The following UNC93A variants were observed in gnomAD, a reference collection of about 807,000 sequenced individuals.
The protein encoded by UNC93A is unc-93 homolog A.
Under a neutral mutation model 47.5 loss-of-function variants are expected in UNC93A, and 43 were observed. The ratio of observed to expected loss-of-function variants is 0.91; its 90% confidence interval spans 0.71 to 1.17. UNC93A has a LOEUF of 1.17. UNC93A is among the 50% of genes most tolerant of loss of function. The probability of loss-of-function intolerance (pLI) is 0.00; values close to 1 mark genes in which losing one functional copy is unlikely to be tolerated. For missense variants in UNC93A, 605 were observed against 577.6 expected, an observed-to-expected ratio of 1.05 and a Z score of -0.49; for synonymous variants, 280 against 258.0, an observed-to-expected ratio of 1.09 and a Z score of -0.82.
upstream of UNC93A, among the ~76,000 whole-genome samples, chr6:167,289,738 C>T (rs529274725): frequency 6.6e-6 from 1 of 151,156 alleles, no homozygotes; most frequent in East Asian, 1.9e-4. Context: ...TCAGGAAGGT[C>T]CTCTAATATC....
Position 167,315,429 on chromosome 6 carries a change from G to A in UNC93A, c.1351G>A (p.Glu451Lys). ...AGGACAGGTCAACCAGGCAGAGGATGAAGAAATACAAACAAAAATGTGAGA... is the reference window on the plus strand; with the variant it reads ...AGGACAGGTCAACCAGGCAGAGGATAAAGAAATACAAACAAAAATGTGAGA... Reference protein sequence around the residue: ...APGQVNQAEDEEIQTKM With the variant: ...APGQVNQAEDKEIQTKM Residue 451 changes from glutamate (E) to lysine (K), a missense_variant, in exon 8 of 8, where the codon GAA (glutamate) becomes AAA (lysine). Glu to Lys is a moderately conservative substitution (Grantham distance 56, BLOSUM62 1). Coordinates refer to ENST00000230256, the MANE Select transcript of UNC93A (RefSeq NM_018974.4). 6.2e-7 allele frequency: 1 copy of A among 1,614,008 alleles called. No individual in the cohort carries two copies. Among genetic ancestry groups the A allele is most frequent in the Non-Finnish European group, 8.5e-7 (1 of 1,179,886 alleles).
chr6:167,292,743 G>A (rs1249756219), intron 1 of UNC93A, among the ~76,000 whole-genome samples: 2 of 152,178 alleles, frequency 1.3e-5, no homozygotes, highest in Non-Finnish European at 1.5e-5. Flanking sequence ...CTGTTGGGTT[G>A]AGGTGAGTGC....
rs778957066 is a variant in UNC93A at position 167,306,026 on chromosome 6, G to A, written c.952G>A (p.Gly318Ser). ...VLYGKVSQYT[G>S]RAVLYVLGAV... Reference sequence around the variant, plus strand: ...GTATGGAAAGGTCTCGCAGTACACGGGCAGGGCTGTGCTGTACGTGCTGGG... The same window carrying A: ...GTATGGAAAGGTCTCGCAGTACACGAGCAGGGCTGTGCTGTACGTGCTGGG... The change falls in exon 6 of 8, where the codon GGC becomes AGC. Residue 318 changes from glycine to serine, a missense_variant. By Grantham distance (56) the Gly-to-Ser change is moderately conservative. Coordinates refer to ENST00000230256, the MANE Select transcript of UNC93A (RefSeq NM_018974.4). The A allele has an allele frequency of 2.5e-6, 4 of 1,614,214 alleles. No homozygotes were observed. The African/African-American group carries it at 4.0e-5, about 16-fold the overall frequency.
chr6:167,285,717 T>C (rs777552839), intron 1 of UNC93A, among the ~76,000 whole-genome samples: 15 of 151,584 alleles, frequency 9.9e-5, no homozygotes, highest in Non-Finnish European at 2.1e-4. Context: ...ACCAGGAGAA[T>C]GGGCAGCCTG....
intron 1 of UNC93A, among the ~76,000 whole-genome samples, chr6:167,284,798 G>A (rs1163798667): frequency 1.3e-5 from 2 of 151,386 alleles, no homozygotes; most frequent in African/African-American, 4.9e-5. Flanking sequence ...CTCTGAGGGC[G>A]GTCGCCACAG....
chr6:167,269,578 A>G (rs1352580992), upstream of UNC93A, among the ~76,000 whole-genome samples: 1 of 152,168 alleles, frequency 6.6e-6, no homozygotes, highest in Non-Finnish European at 1.5e-5. Context: ...ATATTTTACT[A>G]CCATAATGGC....
intron 7 of UNC93A, among the ~76,000 whole-genome samples, chr6:167,309,266 A>C (rs1583093824): frequency 6.6e-6 from 1 of 152,120 alleles, no homozygotes; most frequent in African/African-American, 2.4e-5. Flanking sequence ...GATGCGTGAG[A>C]GCGTTTTGGA....
At chr6:167,269,120 C>G (rs1266075998), upstream of UNC93A, among the ~76,000 whole-genome samples, 1 of 152,178 alleles carries the variant, frequency 6.6e-6, no homozygotes, top group Non-Finnish European at 1.5e-5. Flanking sequence ...CGTAGCGAGG[C>G]TGAGAGGTGA....
upstream of UNC93A, among the ~76,000 whole-genome samples, chr6:167,287,229 T>A (rs1783752641): frequency 6.6e-6 from 1 of 152,046 alleles, no homozygotes; most frequent in Non-Finnish European, 1.5e-5. Flanking sequence ...CCACCCAAAG[T>A]GCCACTTGCT....
chr6:167,308,137 T>C (rs1778454671), intron 7 of UNC93A, among the ~76,000 whole-genome samples: 1 of 152,218 alleles, frequency 6.6e-6, no homozygotes, highest in African/African-American at 2.4e-5. Context: ...AGGTTCCTTC[T>C]GGGCACCATT....
intron 3 of UNC93A, among the ~76,000 whole-genome samples, chr6:167,296,905 T>C (rs758016270): frequency 2.6e-5 from 4 of 152,186 alleles, no homozygotes; most frequent in Non-Finnish European, 5.9e-5. Context: ...TCCTGACTAG[T>C]ATCACAACTA....
upstream of UNC93A, among the ~76,000 whole-genome samples, chr6:167,269,376 G>A (rs1039341035): frequency 2.0e-5 from 3 of 152,178 alleles, no homozygotes; most frequent in African/African-American, 7.2e-5. Flanking sequence ...TACAAGCTAC[G>A]AACTGCAAAT....
At chr6:167,301,669 C>G (rs1778244439) in intron 4 of UNC93A, among the ~76,000 whole-genome samples, 1 of 152,180 alleles carries the variant, frequency 6.6e-6, no homozygotes, top group South Asian at 2.1e-4. Context: ...TGTTCATAAC[C>G]TGCCTCTCCC....
chr6:167,272,602 A>C (rs1783467212), intron 1 of UNC93A, among the ~76,000 whole-genome samples: 1 of 152,146 alleles, frequency 6.6e-6, no homozygotes, highest in Non-Finnish European at 1.5e-5. Context: ...TACATTTAAG[A>C]AGTACATTGG....
At chr6:167,283,232 T>G (rs1349104162) in intron 1 of UNC93A, among the ~76,000 whole-genome samples, 1 of 152,250 alleles carries the variant, frequency 6.6e-6, no homozygotes, top group African/African-American at 2.4e-5. Context: ...TATTTCGATT[T>G]CTTTCAAAGC....
In UNC93A at chr6:167,304,145, A is replaced by G. The variant is rs1778317668; in HGVS notation, c.840+12A>G. ...GCGAATACACAAGGGTATGAACGAA[A>G]GTGAGGGCCGGTGGCTCAGGCCATG... On this transcript the variant is annotated intron_variant, in intron 5 of 7. Coordinates refer to ENST00000230256, the MANE Select transcript of UNC93A (RefSeq NM_018974.4). The G allele has an allele frequency of 6.2e-7, 1 of 1,613,986 alleles. No homozygotes were observed. Among genetic ancestry groups the G allele is most frequent in the Non-Finnish European group, 8.5e-7 (1 of 1,179,976 alleles).
At chr6:167,274,983 G>C (rs1783515256) in intron 1 of UNC93A, among the ~76,000 whole-genome samples, 1 of 152,184 alleles carries the variant, frequency 6.6e-6, no homozygotes, top group Non-Finnish European at 1.5e-5. Context: ...GGTGTTACCA[G>C]ACGTGGCACT....
intron 6 of UNC93A, among the ~76,000 whole-genome samples, chr6:167,306,960 G>A (rs548472041): frequency 1.1e-4 from 17 of 152,250 alleles, no homozygotes; most frequent in African/African-American, 3.4e-4. Context: ...CTGCTGGGAC[G>A]AGTCACAAGG....
At chr6:167,298,164 G>C (rs897365006) in intron 4 of UNC93A, 94 bp downstream of exon 4, 16 of 1,508,006 alleles carry the variant, frequency 1.1e-5, no homozygotes, top group Non-Finnish European at 1.3e-5. Context: ...CAATGTAAAA[G>C]TAATCTCTCT....
Sources: allele counts gnomAD v4.1 joint callset (sites outside exome capture counted in the v4.1 genomes callset), GRCh38; gene constraint gnomAD v4.1.1; transcripts MANE v1.5; gene names NCBI Gene and HGNC (gene_info 2026-07-23, HGNC 2026-07-21).